The following PODXL variants were observed in gnomAD, a reference collection of about 807,000 sequenced individuals.
PODXL encodes podocalyxin like.
Under a neutral mutation model 48.9 loss-of-function variants are expected in PODXL, and 20 were observed. That is an observed-to-expected ratio of 0.41 (90% confidence interval 0.29 to 0.59). The LOEUF (loss-of-function observed/expected upper bound fraction) is 0.59, where lower values mean the gene tolerates loss of function less well. PODXL is among the 20% of genes least tolerant of loss of function. The pLI is 0.31. For missense variants in PODXL, 606 were observed against 675.1 expected, an observed-to-expected ratio of 0.90 and a Z score of 1.13; for synonymous variants, 295 against 287.4, an observed-to-expected ratio of 1.03 and a Z score of -0.27.
chr7:131,511,766 A>C (rs1391106418), intron 1 of PODXL, among the ~76,000 whole-genome samples: 1 of 152,124 alleles, frequency 6.6e-6, no homozygotes, highest in Non-Finnish European at 1.5e-5. Context: ...TGAAACCTCT[A>C]AGAGGGCAGC....
intron 1 of PODXL, among the ~76,000 whole-genome samples, chr7:131,525,628 C>T (rs770746110): frequency 1.1e-4 from 16 of 150,292 alleles, no homozygotes; most frequent in Non-Finnish European, 8.9e-5. Context: ...AAAAGTATAA[C>T]ATAACCTCGC....
chr7:131,545,959 G>C (rs1001991174), intron 1 of PODXL, among the ~76,000 whole-genome samples: 3 of 152,372 alleles, frequency 2.0e-5, no homozygotes, highest in South Asian at 2.1e-4. Context: ...CTGAGGCACA[G>C]AGCAATGCCC....
intron 1 of PODXL, among the ~76,000 whole-genome samples, chr7:131,540,103 C>T (rs554533137): frequency 2.6e-5 from 4 of 152,176 alleles, no homozygotes; most frequent in East Asian, 1.9e-4. Flanking sequence ...AGTGCGGTGG[C>T]GCGATCACGG....
intron 4 of PODXL, 80 bp downstream of exon 4, chr7:131,509,285 A>G (rs758715303): frequency 1.7e-6 from 2 of 1,164,518 alleles, no homozygotes; most frequent in East Asian, 4.7e-5. Context: ...GCGTTGGAGG[A>G]AAGAACAGAA....
In PODXL at chr7:131,505,795, C is replaced by T. The variant is rs7799613; in HGVS notation, c.1479+73G>A. 4.3e-6 allele frequency: 6 copies of T among 1,403,860 alleles called. No individual in the cohort carries two copies. In the African/African-American group the frequency reaches 4.3e-5, roughly 10 times the overall value. The allele number at this position is 1,403,860 out of a possible 1,614,324, so 87.0% of individuals were successfully genotyped here. ...CTGCTCCCTTTCCTCTTCTGCAACTCGGGAATCACGAGGGGAGGGTTCCTC... is the reference window on the plus strand; with the variant it reads ...CTGCTCCCTTTCCTCTTCTGCAACTTGGGAATCACGAGGGGAGGGTTCCTC... On this transcript the variant is annotated intron_variant, in intron 8 of 8. Coordinates refer to ENST00000378555, the MANE Select transcript of PODXL (RefSeq NM_001018111.3).
chr7:131,533,624 G>C (rs1220797468), intron 1 of PODXL, among the ~76,000 whole-genome samples: 4 of 152,154 alleles, frequency 2.6e-5, no homozygotes, highest in African/African-American at 9.7e-5. Context: ...AGAAGCCCTG[G>C]TTCACACCAC....
intron 1 of PODXL, 68 bp downstream of exon 1, chr7:131,556,192 C>A: frequency 7.3e-7 from 1 of 1,371,512 alleles, no homozygotes; most frequent in Non-Finnish European, 9.4e-7. Flanking sequence ...GGCTTCCCTG[C>A]AGCTCGGCCG....
intron 1 of PODXL, among the ~76,000 whole-genome samples, chr7:131,524,373 C>CAGAGAGAGAG (rs752358847): frequency 3.2e-5 from 1 of 31,276 alleles, no homozygotes; most frequent in Non-Finnish European, 1.0e-4. Context: ...CACACACACA[C>CAGAGAGAGAG]ACACACAGAG....
rs1351659066 is a variant in PODXL, at chr7:131,506,684, G to A, written c.1144C>T (p.Arg382Ter). 3.7e-6 allele frequency: 6 copies of A among 1,614,044 alleles called. No homozygotes were observed. Among genetic ancestry groups the A allele is most frequent in the Non-Finnish European group, 2.5e-6 (3 of 1,180,018 alleles). The stretch of plus-strand genomic sequence containing the variant: ...GGGTTGAAGGTGGCTTTGACTGCTC[G>A]GCATATCAGTGAGATCAATTTCTCA... Reference protein sequence around the residue: ...SDEKLISLICRAVKATFNPAQ... With the variant: ...SDEKLISLIC The change falls in exon 6 of 9, where the codon CGA (arginine) becomes TGA (stop). Residue 382 changes from arginine (R) to a stop codon, truncating the protein, a stop_gained. Coordinates refer to ENST00000378555, the MANE Select transcript of PODXL (RefSeq NM_001018111.3). LOFTEE classifies it high-confidence loss of function.
Position 131,509,224 on chromosome 7 carries a change from G to A in PODXL, c.1023+141C>T, listed in dbSNP as rs569356670. On this transcript the variant is annotated intron_variant, in intron 4 of 8. Transcript: ENST00000378555. ...AAGCCAGGACCAGGCTAACCAGGGA[G>A]AGGGAGGAGGGAATGGGTAAGTGCT... The A allele has an allele frequency of 1.5e-5, 12 of 815,412 alleles. No individual in the cohort carries two copies. The East Asian group carries it at 3.1e-4, about 21-fold the overall frequency. 50.5% of individuals were successfully genotyped at this position (815,412 alleles called of 1,614,324 possible).
chr7:131,512,431 C>T (rs1346430078), intron 1 of PODXL, among the ~76,000 whole-genome samples: 2 of 151,974 alleles, frequency 1.3e-5, no homozygotes, highest in Admixed American at 6.5e-5. Flanking sequence ...GGCATCTCTG[C>T]GATGATGGTT....
intron 1 of PODXL, among the ~76,000 whole-genome samples, chr7:131,534,088 CCTCCTCCTCCA>C (rs1201804304): frequency 6.8e-5 from 10 of 147,222 alleles, no homozygotes; most frequent in East Asian, 2.3e-4. Flanking sequence ...GCGCAGCCCA[CCTCCTCCTCCA>C]CTCCTCCTCC....
chr7:131,541,659 C>T (rs943830223), intron 1 of PODXL, among the ~76,000 whole-genome samples: 7 of 144,468 alleles, frequency 4.8e-5, no homozygotes, highest in South Asian at 2.2e-4. Flanking sequence ...GGCAACAGAG[C>T]GAGACTCCGT....
intron 5 of PODXL, 33 bp downstream of exon 5, chr7:131,508,918 G>T: frequency 6.8e-7 from 1 of 1,466,936 alleles, no homozygotes; most frequent in Non-Finnish European, 9.6e-7. Context: ...CTGTGAGCCT[G>T]CACCTGGCGG....
At chr7:131,519,365 C>T (rs114077638) in intron 1 of PODXL, among the ~76,000 whole-genome samples, 86 of 152,134 alleles carry the variant, frequency 5.7e-4, no homozygotes, top group Admixed American at 2.7e-3. Flanking sequence ...GGGTGTGAGC[C>T]GCGCTCCAAT....
At chr7:131,530,420 C>T (rs769133626) in intron 1 of PODXL, among the ~76,000 whole-genome samples, 83 of 152,070 alleles carry the variant, frequency 5.5e-4, no homozygotes, top group Non-Finnish European at 9.6e-4. Context: ...CCCCATGTTA[C>T]GGTCCCACCT....
intron 2 of PODXL, 34 bp downstream of exon 2, chr7:131,510,794 T>G (rs1445670213): frequency 3.7e-6 from 6 of 1,613,590 alleles, no homozygotes; most frequent in Middle Eastern, 1.6e-4. Context: ...CTGAAAAGTT[T>G]CTTGGTGCTT....
chr7:131,504,523 G>A lies in PODXL; in HGVS notation c.1480-15C>T. 6.2e-7 allele frequency: 1 copy of A among 1,612,628 alleles called. No homozygotes were observed. Among genetic ancestry groups the A allele is most frequent in the Non-Finnish European group, 8.5e-7 (1 of 1,178,626 alleles). On this transcript the variant is annotated splice_polypyrimidine_tract_variant and intron_variant, in intron 8 of 8. Coordinates refer to ENST00000378555, the MANE Select transcript of PODXL (RefSeq NM_001018111.3). ...GTTAGCCGCTGCTAGAGTGGGGAAGGTGACCGGTGAGAAGGGGGTTTCAGA... is the reference window on the plus strand; with the variant it reads ...GTTAGCCGCTGCTAGAGTGGGGAAGATGACCGGTGAGAAGGGGGTTTCAGA...
At chr7:131,539,321 T>C (rs1262562074) in intron 1 of PODXL, among the ~76,000 whole-genome samples, 1 of 152,186 alleles carries the variant, frequency 6.6e-6, no homozygotes, top group African/African-American at 2.4e-5. Context: ...ATGAACATAT[T>C]TTTTAGAATG....
Sources: allele counts gnomAD v4.1 joint callset (sites outside exome capture counted in the v4.1 genomes callset), GRCh38; gene constraint gnomAD v4.1.1; transcripts MANE v1.5; gene names NCBI Gene and HGNC (gene_info 2026-07-23, HGNC 2026-07-21).